The following NUBPL variants were observed in gnomAD, a reference collection of about 807,000 sequenced individuals.
The protein encoded by NUBPL is iron-sulfur cluster transfer protein NUBPL.
In NUBPL, 31 loss-of-function variants were observed where a neutral mutation model predicts 45.7. That is an observed-to-expected ratio of 0.68 (90% CI 0.51 to 0.92). The LOEUF (loss-of-function observed/expected upper bound fraction) is 0.92. Among genes scored for constraint, NUBPL ranks in the 40% least tolerant of loss-of-function variants. The pLI is 0.00. For synonymous variants in NUBPL, 144 were observed against 140.9 expected, an observed-to-expected ratio of 1.02 and a Z score of -0.15; for missense variants, 401 against 398.7, an observed-to-expected ratio of 1.01 and a Z score of -0.05.
chr14:31,803,579 C>T (rs1172448205), intron 7 of NUBPL, among the ~76,000 whole-genome samples: 2 of 151,386 alleles, frequency 1.3e-5, no homozygotes, highest in African/African-American at 2.4e-5. Flanking sequence ...CAGAACAGCA[C>T]GTTAAAGGAG....
At chr14:31,686,110 AC>A (rs1417052308) in intron 6 of NUBPL, among the ~76,000 whole-genome samples, 14 of 152,340 alleles carry the variant, frequency 9.2e-5, no homozygotes, top group African/African-American at 3.1e-4. Context: ...GCAAAGGCCT[AC>A]TGGATGCTGA....
At chr14:31,632,068 T>G (rs1338409639) in intron 4 of NUBPL, among the ~76,000 whole-genome samples, 2 of 152,190 alleles carry the variant, frequency 1.3e-5, no homozygotes, top group African/African-American at 4.8e-5. Context: ...GTTTCTAGAT[T>G]AATCTCAATC....
At chr14:31,726,851 A>G (rs1026009430) in intron 6 of NUBPL, among the ~76,000 whole-genome samples, 1 of 150,992 alleles carries the variant, frequency 6.6e-6, no homozygotes, top group Non-Finnish European at 1.5e-5. Flanking sequence ...CAGTGGCACT[A>G]TCAATGTTTT....
intron 4 of NUBPL, among the ~76,000 whole-genome samples, chr14:31,638,290 A>G (rs950811107): frequency 7.2e-5 from 11 of 151,760 alleles, no homozygotes; most frequent in Admixed American, 1.3e-4. Context: ...CCTGGTGGTG[A>G]CAAAATCTCT....
intron 3 of NUBPL, among the ~76,000 whole-genome samples, chr14:31,588,417 CTTT>C (rs11477663): frequency 6.7e-6 from 1 of 150,282 alleles, no homozygotes; most frequent in Non-Finnish European, 1.5e-5. Context: ...ATCTCTCTCT[CTTT>C]TTTTTTTGGT....
intron 6 of NUBPL, among the ~76,000 whole-genome samples, chr14:31,711,290 G>T (rs1219941689): frequency 6.6e-6 from 1 of 152,150 alleles, no homozygotes; most frequent in African/African-American, 2.4e-5. Context: ...AGAGTCAGGG[G>T]ATGTTAGAGA....
At chr14:31,686,916 G>C (rs2036965400) in intron 6 of NUBPL, 1 of 152,250 alleles carries the variant, frequency 6.6e-6, no homozygotes, top group African/African-American at 2.4e-5. Context: ...AGGCGTTTGA[G>C]ACCAACACGT....
intron 6 of NUBPL, among the ~76,000 whole-genome samples, chr14:31,748,743 G>C (rs1402738370): frequency 6.6e-6 from 1 of 152,014 alleles, no homozygotes; most frequent in Non-Finnish European, 1.5e-5. Context: ...CTCCTGAGTA[G>C]CTGGGATTAC....
chr14:31,854,425 T>C (rs980807523), intron 10 of NUBPL, among the ~76,000 whole-genome samples: 1 of 152,198 alleles, frequency 6.6e-6, no homozygotes, highest in Non-Finnish European at 1.5e-5. Context: ...AAAAGAAAGA[T>C]AGATTTGATT....
intron 3 of NUBPL, among the ~76,000 whole-genome samples, chr14:31,594,262 G>GA (rs1222325426): frequency 3.3e-5 from 5 of 151,550 alleles, no homozygotes; most frequent in African/African-American, 1.2e-4. Flanking sequence ...TACAAAAAAC[G>GA]AAAAAAAATT....
intron 3 of NUBPL, among the ~76,000 whole-genome samples, chr14:31,582,445 C>G (rs915235026): frequency 1.7e-5 from 2 of 118,240 alleles, no homozygotes; most frequent in African/African-American, 3.2e-5. Context: ...GGTCTCTTTT[C>G]TTTTCCAAAG....
chr14:31,627,303 A>G (rs1394731469), intron 4 of NUBPL, among the ~76,000 whole-genome samples: 1 of 152,178 alleles, frequency 6.6e-6, no homozygotes, highest in African/African-American at 2.4e-5. Flanking sequence ...GAAGGCATGT[A>G]GATGTCAAGA....
In NUBPL at chr14:31,673,723, G is replaced by T. The variant is rs372872090; in HGVS notation, c.513+149G>T. ...AATATGGCACCTAATGAGTTAATGT[G>T]ATGCCAAGACCAAACTTCACTGTTA... On this transcript the variant is annotated intron_variant, in intron 6 of 10. Coordinates refer to ENST00000281081, the MANE Select transcript of NUBPL (RefSeq NM_025152.3). 196 of 732,122 alleles carry T rather than the reference G, an allele frequency of 2.7e-4. No individual in the cohort carries two copies. The African/African-American group carries it at 3.2e-3, about 12-fold the overall frequency. 45.4% of individuals were successfully genotyped at this position (732,122 alleles called of 1,614,324 possible).
chr14:31,620,548 G>GGTC (rs2035031678), intron 4 of NUBPL, among the ~76,000 whole-genome samples: 1 of 152,168 alleles, frequency 6.6e-6, no homozygotes, highest in African/African-American at 2.4e-5. Context: ...CTGTGCTGCA[G>GGTC]GTCTGCTGGA....
At chr14:31,577,978 A>G (rs2033761186) in intron 3 of NUBPL, 1 of 1,289,128 alleles carries the variant, frequency 7.8e-7, no homozygotes, top group African/African-American at 1.5e-5. Flanking sequence ...CTGCGTCTTA[A>G]ATCATCTGCC....
At chr14:31,596,588 T>C (rs568375274) in intron 3 of NUBPL, among the ~76,000 whole-genome samples, 5 of 152,320 alleles carry the variant, frequency 3.3e-5, no homozygotes, top group African/African-American at 9.6e-5. Flanking sequence ...GTAGTTACCA[T>C]AGAGATCATA....
At chr14:31,834,545 A>G (rs569803544) in intron 8 of NUBPL, among the ~76,000 whole-genome samples, 1 of 152,242 alleles carries the variant, frequency 6.6e-6, no homozygotes, top group African/African-American at 2.4e-5. Context: ...GAAAAATTAG[A>G]CGATCTTTAT....
chr14:31,576,405 G>A (rs1305207720), intron 3 of NUBPL, among the ~76,000 whole-genome samples: 1 of 152,138 alleles, frequency 6.6e-6, no homozygotes, highest in Non-Finnish European at 1.5e-5. Flanking sequence ...GGGACTATAG[G>A]TATGTGCCAC....
intron 6 of NUBPL, among the ~76,000 whole-genome samples, chr14:31,694,602 G>A (rs1250732452): frequency 2.6e-5 from 4 of 152,228 alleles, no homozygotes; most frequent in South Asian, 2.1e-4. Flanking sequence ...TGCAACCTCC[G>A]CCTCCTGGGT....
Sources: allele counts gnomAD v4.1 joint callset (sites outside exome capture counted in the v4.1 genomes callset), GRCh38; gene constraint gnomAD v4.1.1; transcripts MANE v1.5; gene names NCBI Gene and HGNC (gene_info 2026-07-23, HGNC 2026-07-21).